The following CC2D2B variants were observed in gnomAD, a reference collection of about 807,000 sequenced individuals.
CC2D2B encodes protein CC2D2B.
In CC2D2B, 128 loss-of-function variants were observed where a neutral mutation model predicts 161.2. The observed-to-expected ratio is 0.79, with a 90% CI of 0.69 to 0.92. The LOEUF (loss-of-function observed/expected upper bound fraction) is 0.92. Among genes scored for constraint, CC2D2B ranks in the 40% least tolerant of loss-of-function variants. The probability of loss-of-function intolerance (pLI) is 0.00; values close to 1 mark genes in which losing one functional copy is unlikely to be tolerated. For missense variants in CC2D2B, 1,173 were observed against 1,375.1 expected (o/e 0.85, Z 2.32); for synonymous variants, 391 against 449.8 (o/e 0.87, Z 1.65).
At chr10:95,973,847 G>A (rs67870248) in intron 16 of CC2D2B, among the ~76,000 whole-genome samples, 162 bp from the exon 17 acceptor site, 18,993 of 132,840 alleles carry the variant, frequency 0.14, 1,342 homozygotes, top group Middle Eastern at 0.24. Flanking sequence ...GGCATCAAGA[G>A]CAAAACTCTG....
chr10:95,997,177 T>A (rs35894075), intron 24 of CC2D2B, among the ~76,000 whole-genome samples: 18,926 of 152,284 alleles, frequency 0.12, 1,248 homozygotes, highest in Middle Eastern at 0.17. Context: ...GTTATTTTTT[T>A]ATTTTTATTT....
chr10:95,964,368 T>C, intron 12 of CC2D2B, among the ~76,000 whole-genome samples: 1 of 152,316 alleles, frequency 6.6e-6, no homozygotes, highest in Middle Eastern at 3.4e-3. Flanking sequence ...ATGACTGTTC[T>C]AATTTAATTA....
rs989967810 is a variant in CC2D2B, at chr10:96,030,223, C to A, written c.4126-1597C>A. ...CGTACTTCCAAATTTATACATTCAGCCAGGCCACTGACATCTTTTTGGATG... is the reference window on the plus strand; with the variant it reads ...CGTACTTCCAAATTTATACATTCAGACAGGCCACTGACATCTTTTTGGATG... On this transcript the variant is annotated intron_variant, in intron 34 of 34. Coordinates refer to ENST00000646931, the MANE Select transcript of CC2D2B (RefSeq NM_001349008.3). Among the ~76,000 whole-genome samples the A allele has an allele frequency of 3.3e-5, 5 of 152,034 alleles. No homozygotes were observed. In the East Asian group the frequency reaches 9.6e-4, roughly 29 times the overall value.
chr10:95,926,871 T>TGTGTGTGC (rs2098540293), intron 5 of CC2D2B, among the ~76,000 whole-genome samples: 1 of 151,160 alleles, frequency 6.6e-6, no homozygotes, highest in Non-Finnish European at 1.5e-5. Flanking sequence ...TGTGTGTGTG[T>TGTGTGTGC]GTGCGCGCGC....
chr10:95,996,488 T>C (rs965996421), intron 24 of CC2D2B, among the ~76,000 whole-genome samples: 52 of 152,182 alleles, frequency 3.4e-4, no homozygotes, highest in Admixed American at 3.3e-3. Context: ...TATCTATGTA[T>C]TTACCATCCA....
At chr10:96,029,464 A>AT (rs1457550739) in intron 34 of CC2D2B, among the ~76,000 whole-genome samples, 4 of 151,766 alleles carry the variant, frequency 2.6e-5, no homozygotes, top group Non-Finnish European at 5.9e-5. Flanking sequence ...TGATGTATAA[A>AT]TTACAGGTTT....
chr10:95,954,276 A>G (rs555537257), intron 10 of CC2D2B, among the ~76,000 whole-genome samples: 1 of 152,194 alleles, frequency 6.6e-6, no homozygotes, highest in East Asian at 1.9e-4. Flanking sequence ...AGCCTTTTCT[A>G]TCTAGAGTTT....
At chr10:95,971,713 GAAT>G (rs931574151) in intron 15 of CC2D2B, among the ~76,000 whole-genome samples, 33 of 152,136 alleles carry the variant, frequency 2.2e-4, no homozygotes, top group African/African-American at 7.5e-4. Flanking sequence ...TATAAAATGA[GAAT>G]AATATTTATT....
intron 8 of CC2D2B, 34 bp downstream of exon 8, chr10:95,938,739 C>A (rs1331025622): frequency 2.8e-6 from 2 of 703,210 alleles, no homozygotes; most frequent in Admixed American, 2.1e-5. Context: ...AAAACACTGG[C>A]TACTATGTGA....
intron 14 of CC2D2B, among the ~76,000 whole-genome samples, chr10:95,968,281 T>G (rs574903421): frequency 6.6e-6 from 1 of 152,290 alleles, no homozygotes; most frequent in South Asian, 2.1e-4. Context: ...ATTGACAACA[T>G]GGTGTGTGGA....
chr10:95,997,915 A>T (rs1461848455), intron 24 of CC2D2B, among the ~76,000 whole-genome samples: 1 of 152,150 alleles, frequency 6.6e-6, no homozygotes. Flanking sequence ...CTCTTTTCTA[A>T]AGTGATTATA....
chr10:95,951,670 AT>A (rs1003435613), intron 10 of CC2D2B, among the ~76,000 whole-genome samples: 21 of 152,082 alleles, frequency 1.4e-4, no homozygotes, highest in Non-Finnish European at 8.8e-5. Context: ...GCTTTATAGA[AT>A]TTTTTCCCAC....
intron 19 of CC2D2B, among the ~76,000 whole-genome samples, chr10:95,986,314 A>G: frequency 6.6e-6 from 1 of 151,102 alleles, no homozygotes; most frequent in South Asian, 2.1e-4. Context: ...ACACTTAGGG[A>G]AATAGAAAAG....
In CC2D2B at chr10:95,988,407, T is replaced by C. The variant is rs533985398; in HGVS notation, c.2379+65T>C. 5.9e-6 allele frequency: 4 copies of C among 678,930 alleles called. No individual in the cohort carries two copies. In the South Asian group the frequency reaches 3.0e-4, roughly 51 times the overall value. 42.1% of individuals were successfully genotyped at this position (678,930 alleles called of 1,614,324 possible). A position where few individuals can be genotyped will look rare whatever the true frequency, so the allele number is the denominator to read the frequency against. On this transcript the variant is annotated intron_variant, in intron 20 of 34. Coordinates refer to ENST00000646931, the MANE Select transcript of CC2D2B (RefSeq NM_001349008.3). ...TGTGAAAACTGGTCTGCTAGATCCA[T>C]GGTATTATAGTCCTTCCAGAGAGTC... is the stretch of plus-strand genomic sequence containing the variant.
chr10:95,912,213 A>AT (rs542700944), intron 2 of CC2D2B, among the ~76,000 whole-genome samples: 2 of 152,256 alleles, frequency 1.3e-5, no homozygotes, highest in South Asian at 2.1e-4. Context: ...TTGCTATTAT[A>AT]TTTTTTAGCA....
chr10:95,931,814 A>C (rs1269413866), intron 6 of CC2D2B, among the ~76,000 whole-genome samples: 1 of 152,108 alleles, frequency 6.6e-6, no homozygotes, highest in African/African-American at 2.4e-5. Context: ...GGTCAATTTT[A>C]GAATAAGTGC....
intron 29 of CC2D2B, among the ~76,000 whole-genome samples, chr10:96,015,077 T>A (rs1410943622): frequency 6.6e-6 from 1 of 151,984 alleles, no homozygotes; most frequent in African/African-American, 2.4e-5. Context: ...CCACATCATT[T>A]TTTTTTTAAA....
chr10:96,030,729 G>A (rs910140096), intron 34 of CC2D2B, among the ~76,000 whole-genome samples: 1 of 152,138 alleles, frequency 6.6e-6, no homozygotes, highest in Non-Finnish European at 1.5e-5. Context: ...TATGGTAAAA[G>A]AAGTAAGGTA....
intron 32 of CC2D2B, chr10:96,021,282 G>A (rs2079445975): frequency 1.3e-5 from 2 of 152,210 alleles, no homozygotes; most frequent in Non-Finnish European, 2.9e-5. Context: ...GGGGAGACAA[G>A]TACAACAACA....
Sources: allele counts gnomAD v4.1 joint callset (sites outside exome capture counted in the v4.1 genomes callset), GRCh38; gene constraint gnomAD v4.1.1; transcripts MANE v1.5; gene names NCBI Gene and HGNC (gene_info 2026-07-23, HGNC 2026-07-21).